The following KIAA1217 variants were observed in gnomAD, a reference collection of about 807,000 sequenced individuals.
KIAA1217 encodes the protein KIAA1217.
A neutral mutation model predicts 163.9 loss-of-function variants in KIAA1217; 88 were observed. The observed-to-expected ratio is 0.54, with a 90% CI of 0.45 to 0.64. The LOEUF (loss-of-function observed/expected upper bound fraction) is 0.64, where lower values mean the gene tolerates loss of function less well. Among genes scored for constraint, KIAA1217 ranks in the 30% least tolerant of loss-of-function variants. KIAA1217 has a pLI of 0.00. For missense variants in KIAA1217, 2,372 were observed against 2,475.0 expected (o/e 0.96, Z 0.88); for synonymous variants, 903 against 923.1 (o/e 0.98, Z 0.39).
intron 2 of KIAA1217, among the ~76,000 whole-genome samples, chr10:24,041,282 G>T (rs1848622220): frequency 6.6e-6 from 1 of 152,136 alleles, no homozygotes; most frequent in African/African-American, 2.4e-5. Context: ...GAGGGAAAAT[G>T]GTTATCCTTA....
intron 16 of KIAA1217, among the ~76,000 whole-genome samples, chr10:24,533,914 ACC>A (rs1429246836): frequency 6.6e-6 from 1 of 152,190 alleles, no homozygotes; most frequent in African/African-American, 2.4e-5. Context: ...ATGTGATTCT[ACC>A]CCAGGTCTAT....
At chr10:23,949,852 A>G (rs1844247114) in intron 1 of KIAA1217, among the ~76,000 whole-genome samples, 1 of 152,176 alleles carries the variant, frequency 6.6e-6, no homozygotes, top group South Asian at 2.1e-4. Context: ...TTATGAAGTG[A>G]ATACGGTGAA....
Position 24,474,019 on chromosome 10 carries a change from T to G in KIAA1217, c.1638T>G (p.Phe546Leu). Reference protein sequence around the residue: ...LGPPLMEKQVFAYSTATIPKD... With the variant: ...LGPPLMEKQVLAYSTATIPKD... ...CTCCTCTAATGGAGAAGCAAGTTTT[T>G]GCCTACAGCACGGCGACAATACCCA... Residue 546 changes from phenylalanine (F) to leucine (L), a missense_variant, in exon 6 of 21, where the codon TTT (phenylalanine) becomes TTG (leucine). By Grantham distance (22) the Phe-to-Leu change is conservative (BLOSUM62 0). This residue lies in a region of KIAA1217 where 1,431 missense variants were observed against 1,470.3 expected (regional missense o/e 0.97). Transcript: ENST00000376454. 1 of 1,611,990 alleles carries G rather than the reference T, an allele frequency of 6.2e-7. No homozygotes were observed. Among genetic ancestry groups the G allele is most frequent in the East Asian group, 2.2e-5 (1 of 44,830 alleles).
chr10:24,204,188 T>C (rs1400887105), upstream of KIAA1217, among the ~76,000 whole-genome samples: 1 of 152,112 alleles, frequency 6.6e-6, no homozygotes, highest in Non-Finnish European at 1.5e-5. Context: ...TGTTGGTGGG[T>C]GGCGAGGGGC....
chr10:24,437,712 G>GA (rs1317902352), intron 4 of KIAA1217, among the ~76,000 whole-genome samples: 2 of 151,862 alleles, frequency 1.3e-5, no homozygotes, highest in Admixed American at 6.6e-5. Flanking sequence ...CGGGTTCAGA[G>GA]AAAAAAGAAG....
chr10:24,404,492 G>A (rs1023225532), intron 3 of KIAA1217, among the ~76,000 whole-genome samples: 7 of 150,210 alleles, frequency 4.7e-5, no homozygotes, highest in South Asian at 4.3e-4. Flanking sequence ...TCTTGAACCC[G>A]GGAGGCAGAG....
At chr10:24,535,768 C>A (rs2073917784) in intron 16 of KIAA1217, among the ~76,000 whole-genome samples, 1 of 149,700 alleles carries the variant, frequency 6.7e-6, no homozygotes, top group African/African-American at 2.5e-5. Context: ...CAGGGAGAGA[C>A]TCTGCCTCAA....
rs118025476 is a variant in KIAA1217 at position 24,470,415 on chromosome 10, C to G, written c.847-2813C>G. Among the ~76,000 whole-genome samples, 36 of 152,260 alleles carry G rather than the reference C, an allele frequency of 2.4e-4. No individual in the cohort carries two copies. The East Asian group carries it at 7.0e-3, about 29-fold the overall frequency. On this transcript the variant is annotated intron_variant, in intron 5 of 20. Transcript: ENST00000376454. ...GAGGGTGTCCAATGAGCAGGGAGGT[C>G]CTCATGGGCTGGAGCATCAGGGCAG...
intron 1 of KIAA1217, among the ~76,000 whole-genome samples, chr10:23,823,469 G>T (rs1588891451): frequency 6.6e-6 from 1 of 152,130 alleles, no homozygotes; most frequent in Non-Finnish European, 1.5e-5. Flanking sequence ...GCAGAGAAAG[G>T]TCTCCACCTT....
rs371241844 is a variant in KIAA1217, at chr10:24,011,780, C to T, written c.-171+4406C>T. Among the ~76,000 whole-genome samples the T allele has an allele frequency of 4.8e-4, 73 of 152,176 alleles. 1 individual carries two copies. Among genetic ancestry groups the T allele is most frequent in the African/African-American group, 1.7e-3 (72 of 41,538 alleles). On this transcript the variant is annotated intron_variant, in intron 2 of 18. Coordinates refer to the KIAA1217 transcript ENST00000376462. The stretch of plus-strand genomic sequence containing the variant: ...TCAGTAATTGGTGTTGGGTTGTTCC[C>T]GTGGGTTGACAGTCAGCATGTTTTT...
intron 1 of KIAA1217, among the ~76,000 whole-genome samples, chr10:23,820,247 C>G (rs1837557539): frequency 6.6e-6 from 1 of 152,184 alleles, no homozygotes; most frequent in Admixed American, 6.5e-5. Flanking sequence ...TTTCATATCC[C>G]TTATCTCACA....
intron 1 of KIAA1217, among the ~76,000 whole-genome samples, chr10:23,936,597 A>G (rs1315513281): frequency 6.6e-6 from 1 of 152,138 alleles, no homozygotes; most frequent in Non-Finnish European, 1.5e-5. Flanking sequence ...GGCTGAGATT[A>G]GAGTGACGCC....
rs1554894744 is a variant in KIAA1217, at chr10:24,177,299, T to TATATATATATATATATA, written c.-170-42326_-170-42325insTATATATATATATATAA. Among the ~76,000 whole-genome samples, 39 of 46,910 alleles carry TATATATATATATATATA rather than the reference T, an allele frequency of 8.3e-4. 1 individual carries two copies. The highest frequency in any genetic ancestry group is 2.2e-3 in the East Asian group (3 of 1,384). The allele number at this position is 46,910 out of a possible 152,430, so 30.8% of individuals were successfully genotyped here. A position where few individuals can be genotyped will look rare whatever the true frequency, so the allele number is the denominator to read the frequency against. The stretch of plus-strand genomic sequence containing the variant: ...TATATATATATATATATATATATAT[T>TATATATATATATATATA]ACAATTTCTTTGTCATATATATCAC... On this transcript the variant is annotated intron_variant, in intron 2 of 18. Coordinates refer to the KIAA1217 transcript ENST00000376462.
At chr10:24,470,459 G>T (rs76015816) in intron 5 of KIAA1217, among the ~76,000 whole-genome samples, 1 of 152,108 alleles carries the variant, frequency 6.6e-6, no homozygotes, top group Admixed American at 6.5e-5. Context: ...CAGAGCAGAC[G>T]CACCTGGAGC....
chr10:24,099,586 T>TATATATATATATATATATATATATATTA (rs1306527831), intron 2 of KIAA1217, among the ~76,000 whole-genome samples: 1 of 143,448 alleles, frequency 7.0e-6, no homozygotes, highest in East Asian at 2.1e-4. Context: ...TATATATATA[T>TATATATATATATATATATATATATATTA]TATATATATA....
intron 1 of KIAA1217, among the ~76,000 whole-genome samples, chr10:23,981,139 T>C (rs1845751668): frequency 6.6e-6 from 1 of 152,224 alleles, no homozygotes; most frequent in Non-Finnish European, 1.5e-5. Context: ...CTTACTCAGG[T>C]AGCAATGATT....
chr10:24,028,185 G>T (rs2131530859), intron 2 of KIAA1217, among the ~76,000 whole-genome samples: 1 of 152,156 alleles, frequency 6.6e-6, no homozygotes, highest in East Asian at 1.9e-4. Context: ...TGGAATTTTG[G>T]CAAAGCTGAG....
chr10:23,869,889 T>C (rs1397201866), intron 1 of KIAA1217, among the ~76,000 whole-genome samples: 1 of 152,176 alleles, frequency 6.6e-6, no homozygotes, highest in Non-Finnish European at 1.5e-5. Context: ...CTTGTTGACA[T>C]CTGAGTGCAT....
chr10:24,040,009 C>T (rs954537091), intron 2 of KIAA1217, among the ~76,000 whole-genome samples: 2 of 152,116 alleles, frequency 1.3e-5, no homozygotes, highest in East Asian at 1.9e-4. Context: ...TATAATAAGA[C>T]GTCATTCTAT....
Sources: allele counts gnomAD v4.1 joint callset (sites outside exome capture counted in the v4.1 genomes callset), GRCh38; gene constraint gnomAD v4.1.1; regional missense constraint gnomAD v4.1.1; transcripts MANE v1.5; gene names NCBI Gene and HGNC (gene_info 2026-07-23, HGNC 2026-07-21).